The following MYRIP variants were observed in gnomAD, a reference collection of about 807,000 sequenced individuals.
MYRIP encodes the protein rab effector MyRIP.
MYRIP carries 49 observed loss-of-function variants against 98.0 expected under a neutral mutation model. The observed-to-expected ratio is 0.50, with a 90% confidence interval of 0.40 to 0.63. MYRIP has a LOEUF of 0.63. Among genes scored for constraint, MYRIP ranks in the 30% least tolerant of loss-of-function variants. The probability of loss-of-function intolerance (pLI) is 0.00; values close to 1 mark genes in which losing one functional copy is unlikely to be tolerated. For missense variants in MYRIP, 1,004 were observed against 1,058.2 expected (o/e 0.95, Z 0.71); for synonymous variants, 404 against 409.5 (o/e 0.99, Z 0.16).
chr3:40,230,977 C>T (rs368388066), intron 11 of MYRIP, among the ~76,000 whole-genome samples: 4 of 152,052 alleles, frequency 2.6e-5, no homozygotes, highest in Non-Finnish European at 4.4e-5. Context: ...AGGTGCCTGC[C>T]GCCACACCTG....
chr3:39,982,006 T>G (rs1167724532), intron 2 of MYRIP, among the ~76,000 whole-genome samples: 1 of 152,186 alleles, frequency 6.6e-6, no homozygotes, highest in Non-Finnish European at 1.5e-5. Context: ...TGCAAACACA[T>G]GACTATAGTA....
intron 1 of MYRIP, among the ~76,000 whole-genome samples, chr3:39,872,245 G>A (rs560829125): frequency 1.3e-5 from 2 of 151,816 alleles, no homozygotes; most frequent in Admixed American, 6.6e-5. Flanking sequence ...GTCTCTATAC[G>A]CTTTCGGTCT....
At chr3:40,000,277 G>A (rs1946488844) in intron 2 of MYRIP, among the ~76,000 whole-genome samples, 1 of 151,986 alleles carries the variant, frequency 6.6e-6, no homozygotes. Flanking sequence ...ATGGCAATTT[G>A]AGCTATTGTC....
At chr3:39,994,883 T>C (rs1946297264) in intron 2 of MYRIP, among the ~76,000 whole-genome samples, 1 of 152,204 alleles carries the variant, frequency 6.6e-6, no homozygotes, top group Non-Finnish European at 1.5e-5. Flanking sequence ...TGTTCACCAA[T>C]ATCTGCTGTT....
chr3:40,141,369 G>A (rs1346266869), intron 3 of MYRIP, among the ~76,000 whole-genome samples: 1 of 152,214 alleles, frequency 6.6e-6, no homozygotes, highest in East Asian at 1.9e-4. Flanking sequence ...CCGATTAATA[G>A]TCTGCCAATA....
chr3:40,182,762 C>T (rs777896255), intron 9 of MYRIP, among the ~76,000 whole-genome samples: 5 of 152,206 alleles, frequency 3.3e-5, no homozygotes, highest in Non-Finnish European at 7.3e-5. Context: ...AGCATTAAAC[C>T]AACCTCTCAT....
rs772830284 is a variant in MYRIP at position 40,190,301 on chromosome 3, G to T, written c.1503G>T (p.Gln501His). 2 of 1,614,040 alleles carry T rather than the reference G, an allele frequency of 1.2e-6. No individual in the cohort carries two copies. Among genetic ancestry groups the T allele is most frequent in the South Asian group, 2.2e-5 (2 of 91,076 alleles). The change falls in exon 10 of 17, where the codon CAG (glutamine) becomes CAT (histidine). Residue 501 changes from glutamine to histidine, a missense_variant. By Grantham distance (24) the Gln-to-His change is conservative. Transcript: ENST00000302541. ...HGELDVNFNP[Q>H]LASRETSDSS... Reference sequence around the variant, plus strand: ...AGCTGGACGTGAACTTCAACCCCCAGTTGGCCAGCAGGGAGACCTCGGACA... The same window carrying T: ...AGCTGGACGTGAACTTCAACCCCCATTTGGCCAGCAGGGAGACCTCGGACA...
At chr3:39,852,412 T>G (rs1942155436) in intron 1 of MYRIP, among the ~76,000 whole-genome samples, 1 of 152,194 alleles carries the variant, frequency 6.6e-6, no homozygotes, top group South Asian at 2.1e-4. Flanking sequence ...TAAAATAAAT[T>G]TGTGGAACAG....
At chr3:39,983,568 A>G (rs1242429970) in intron 2 of MYRIP, among the ~76,000 whole-genome samples, 1 of 152,162 alleles carries the variant, frequency 6.6e-6, no homozygotes, top group Non-Finnish European at 1.5e-5. Flanking sequence ...TATTCAACAA[A>G]TAGCCTGCCA....
At chr3:39,957,547 T>C (rs1209210877) in intron 2 of MYRIP, among the ~76,000 whole-genome samples, 1 of 152,048 alleles carries the variant, frequency 6.6e-6, no homozygotes, top group African/African-American at 2.4e-5. Flanking sequence ...TAAGAGCTAT[T>C]TATGACAAAC....
At chr3:40,122,388 G>T (rs1428423326) in intron 3 of MYRIP, among the ~76,000 whole-genome samples, 1 of 151,116 alleles carries the variant, frequency 6.6e-6, no homozygotes. Flanking sequence ...TATATATTTT[G>T]AATTTTTATT....
chr3:40,034,228 T>C (rs1357573344), intron 2 of MYRIP, among the ~76,000 whole-genome samples: 1 of 152,058 alleles, frequency 6.6e-6, no homozygotes, highest in Non-Finnish European at 1.5e-5. Context: ...AAATGGGATC[T>C]AATGAAACTA....
chr3:40,179,949 C>G (rs971064616), intron 8 of MYRIP, among the ~76,000 whole-genome samples: 1 of 152,190 alleles, frequency 6.6e-6, no homozygotes, highest in Non-Finnish European at 1.5e-5. Flanking sequence ...AGTTGACCAC[C>G]ATCCTCAATC....
chr3:39,895,792 G>T (rs546326770), intron 1 of MYRIP, among the ~76,000 whole-genome samples: 204 of 152,278 alleles, frequency 1.3e-3, no homozygotes, highest in Non-Finnish European at 2.5e-3. Context: ...AAATAAAAAT[G>T]ATGAGAGATG....
At chr3:40,044,882 G>A (rs915613187) in intron 3 of MYRIP, among the ~76,000 whole-genome samples, 7 of 152,288 alleles carry the variant, frequency 4.6e-5, no homozygotes, top group Middle Eastern at 3.4e-3. Flanking sequence ...ACAACTTTGC[G>A]AGGGAAATAA....
chr3:40,130,949 G>T (rs533499097), intron 3 of MYRIP, among the ~76,000 whole-genome samples: 9 of 152,232 alleles, frequency 5.9e-5, no homozygotes, highest in Admixed American at 5.2e-4. Context: ...GCTCACTGGG[G>T]TAGCACTTGG....
At chr3:40,207,830 C>G (rs967530029) in intron 10 of MYRIP, among the ~76,000 whole-genome samples, 1 of 152,130 alleles carries the variant, frequency 6.6e-6, no homozygotes, top group Non-Finnish European at 1.5e-5. Flanking sequence ...TCTGAAGACT[C>G]TTAGTCTGAG....
chr3:39,882,338 A>T (rs1450704150), intron 1 of MYRIP, among the ~76,000 whole-genome samples: 1 of 152,152 alleles, frequency 6.6e-6, no homozygotes, highest in African/African-American at 2.4e-5. Flanking sequence ...ATCAAAGGAT[A>T]TATTAGGCTT....
Position 39,822,068 on chromosome 3 carries a change from T to C in MYRIP, c.-31+12152T>C, listed in dbSNP as rs142391617. On this transcript the variant is annotated intron_variant, in intron 1 of 16. Transcript: ENST00000302541. ...TGCTTTCCTTTTGTTTTGTATATTTTGAAGGTGCCTTTTAGTTTAAGTGTA... is the reference window on the plus strand; with the variant it reads ...TGCTTTCCTTTTGTTTTGTATATTTCGAAGGTGCCTTTTAGTTTAAGTGTA... Among the ~76,000 whole-genome samples, 911 of 152,354 alleles carry C rather than the reference T, an allele frequency of 6.0e-3. 8 individuals are homozygous for C. The highest frequency in any genetic ancestry group is 0.019 in the African/African-American group (802 of 41,586).
Sources: gnomAD v4.1 joint callset for allele counts (sites outside exome capture counted in the v4.1 genomes callset) on GRCh38, gnomAD v4.1.1 for gene constraint, MANE v1.5 for transcripts, NCBI Gene and HGNC (gene_info 2026-07-23, HGNC 2026-07-21) for gene names.